GRHL3: variants seen among roughly 807,000 people sequenced by gnomAD.
The protein encoded by GRHL3 is grainyhead-like protein 3 homolog.
A neutral mutation model predicts 70.3 loss-of-function variants in GRHL3; 20 were observed. The ratio of observed to expected loss-of-function variants is 0.28; its 90% CI spans 0.20 to 0.41. GRHL3 has a LOEUF of 0.41. Among genes scored for constraint, GRHL3 ranks in the 10% least tolerant of loss-of-function variants. GRHL3 has a pLI of 1.00. For missense variants in GRHL3, 637 were observed against 762.3 expected, an observed-to-expected ratio of 0.84 and a Z score of 1.94; for synonymous variants, 299 against 299.9, an observed-to-expected ratio of 1.00 and a Z score of 0.03.
intron 12 of GRHL3, among the ~76,000 whole-genome samples, chr1:24,346,029 C>T (rs940065928): frequency 2.6e-5 from 4 of 152,262 alleles, no homozygotes; most frequent in African/African-American, 7.2e-5. Flanking sequence ...GAAACTGAGG[C>T]TCAGAGAAGT....
At chr1:24,331,754 C>A in intron 2 of GRHL3, 142 bp downstream of exon 2, 1 of 557,612 alleles carries the variant, frequency 1.8e-6, no homozygotes, top group Non-Finnish European at 3.0e-6. Flanking sequence ...CTGCCTGGCA[C>A]CCTCCCTTTC....
At chr1:24,358,429 C>T (rs973883324), downstream of GRHL3, 8 of 893,028 alleles carry the variant, frequency 9.0e-6, no homozygotes, top group African/African-American at 8.2e-5. Context: ...GTAGAGCCAC[C>T]CCCCAAGTTG....
At chr1:24,335,460 A>G (rs966992224) in intron 3 of GRHL3, among the ~76,000 whole-genome samples, 1 of 152,254 alleles carries the variant, frequency 6.6e-6, no homozygotes. Flanking sequence ...AGCCTTTTGA[A>G]AAATTCAAAC....
At chr1:24,328,560 A>G (rs1639479168) in intron 1 of GRHL3, among the ~76,000 whole-genome samples, 1 of 152,204 alleles carries the variant, frequency 6.6e-6, no homozygotes, top group Admixed American at 6.5e-5. Context: ...GTCTTCTAAA[A>G]TTTATCTTTT....
At chr1:24,328,375 C>G (rs1639471170) in intron 1 of GRHL3, among the ~76,000 whole-genome samples, 1 of 152,202 alleles carries the variant, frequency 6.6e-6, no homozygotes. Flanking sequence ...CACACAAAAA[C>G]AGATGGCACT....
rs949354206 is a variant in GRHL3 at position 24,319,751 on chromosome 1, A to C, written c.17+183A>C. ...AAGCCCCAGTCTCAAGCTAGAGGTGAGTGTTTCCCTGGGAAAATAGTTTTT... is the reference window on the plus strand; with the variant it reads ...AAGCCCCAGTCTCAAGCTAGAGGTGCGTGTTTCCCTGGGAAAATAGTTTTT... On this transcript the variant is annotated intron_variant, in intron 1 of 15. Coordinates refer to ENST00000361548, the MANE Select transcript of GRHL3 (RefSeq NM_198173.3). 6 of 1,500,772 alleles carry C rather than the reference A, an allele frequency of 4.0e-6. No individual in the cohort carries two copies. The African/African-American group carries it at 8.3e-5, about 21-fold the overall frequency. The allele number at this position is 1,500,772 out of a possible 1,614,324, so 93.0% of individuals were successfully genotyped here. A position where few individuals can be genotyped will look rare whatever the true frequency, so the allele number is the denominator to read the frequency against.
At chr1:24,364,438 T>G in exon 16 of GRHL3, 1 of 1,455,472 alleles carries the variant, frequency 6.9e-7, no homozygotes, top group Non-Finnish European at 9.1e-7. Flanking sequence ...CAGCTCAGAG[T>G]ATGTGGCCCC....
At position 24,322,321 on chromosome 1, in the gene GRHL3, C is replaced by G. The variant is rs1325118439; in HGVS notation, c.17+2753C>G. Reference sequence around the variant, plus strand: ...GGACTAGAACCGTCGCAGTCCTGACCGCGGCCGCCGCCGCCGTTCTATCTG... The same window carrying G: ...GGACTAGAACCGTCGCAGTCCTGACGGCGGCCGCCGCCGCCGTTCTATCTG... On this transcript the variant is annotated intron_variant, in intron 1 of 15. Coordinates refer to ENST00000361548, the MANE Select transcript of GRHL3 (RefSeq NM_198173.3). This position sits in a 1 kb window ranked among gnomAD's most constrained non-coding sequence, Gnocchi z 4.4. Among the ~76,000 whole-genome samples the G allele has an allele frequency of 6.6e-6, 1 of 152,068 alleles. No homozygotes were observed. The highest frequency in any genetic ancestry group is 2.4e-5 in the African/African-American group (1 of 41,398).
intron 2 of GRHL3, among the ~76,000 whole-genome samples, chr1:24,332,335 T>C (rs1179422314): frequency 6.6e-6 from 1 of 152,212 alleles, no homozygotes. Flanking sequence ...TAACTACTTC[T>C]AGGGTCTTGG....
At chr1:24,348,858 A>T (rs964858283) in intron 14 of GRHL3, among the ~76,000 whole-genome samples, 3 of 152,180 alleles carry the variant, frequency 2.0e-5, no homozygotes, top group Admixed American at 6.5e-5. Context: ...GCTGAACCTG[A>T]TCCTTTTTCT....
At chr1:24,354,219 G>A (rs546731829) in intron 15 of GRHL3, among the ~76,000 whole-genome samples, 155 bp from the exon 16 acceptor site, 20 of 152,152 alleles carry the variant, frequency 1.3e-4, no homozygotes, top group African/African-American at 4.8e-4. Context: ...CCCTCACCTC[G>A]TGGGGTTGTT....
In GRHL3 at chr1:24,342,402, C is replaced by T; in HGVS notation, c.1206+129C>T. On this transcript the variant is annotated intron_variant, in intron 9 of 15. Coordinates refer to ENST00000361548, the MANE Select transcript of GRHL3 (RefSeq NM_198173.3). This position sits in a 1 kb window ranked among gnomAD's most constrained non-coding sequence, Gnocchi z 4.8. ...GTTTTTCTATCCCTTCTCCTCCTTC[C>T]CCTCTCCTCCTCCACCCCCACTCCT... 2.7e-6 allele frequency: 2 copies of T among 748,166 alleles called. No individual in the cohort carries two copies. Among genetic ancestry groups the T allele is most frequent in the South Asian group, 1.9e-5 (1 of 53,684 alleles). The allele number at this position is 748,166 out of a possible 1,614,324, so 46.3% of individuals were successfully genotyped here.
At chr1:24,323,033 AAGAC>A (rs1350026677) in intron 1 of GRHL3, 30 of 1,537,224 alleles carry the variant, frequency 2.0e-5, no homozygotes, top group African/African-American at 1.4e-5. Context: ...CTCTGAAAAG[AAGAC>A]AGAGGAGATG....
rs775337579 is a variant in GRHL3 at position 24,337,658 on chromosome 1, TC to T, written c.714del (p.Ala240ProfsTer44). The T allele has an allele frequency of 6.2e-7, 1 of 1,613,962 alleles. No homozygotes were observed. The highest frequency in any genetic ancestry group is 1.7e-5 in the Admixed American group (1 of 60,020). ...LKSDFEYTLG[S>X]PKAIHIKSGE... ...CAGTGACTTTGAATACACCCTGGGC[TC>T]CCCCAAAGCCATCCACATCAAGTCA... On this transcript the variant is annotated frameshift_variant, in exon 6 of 16. Transcript: ENST00000361548. LOFTEE classifies it high-confidence loss of function.
chr1:24,343,649 G>A (rs775507709), intron 11 of GRHL3, among the ~76,000 whole-genome samples: 21 of 152,054 alleles, frequency 1.4e-4, no homozygotes, highest in Admixed American at 6.5e-5. Flanking sequence ...GCTGTCCTCC[G>A]AGAGACTGCA....
downstream of GRHL3, chr1:24,358,463 TCTC>T (rs1331685150): frequency 1.2e-5 from 14 of 1,211,176 alleles, no homozygotes; most frequent in Non-Finnish European, 1.6e-5. Flanking sequence ...TCATGATCGG[TCTC>T]CTCCTGAGGA....
In GRHL3 at chr1:24,342,391, TCTCCTCCTTCCCCTCTC is replaced by T; in HGVS notation, c.1206+126_1206+142del. 1.2e-6 allele frequency: 1 copy of T among 833,962 alleles called. No individual in the cohort carries two copies. The highest frequency in any genetic ancestry group is 1.9e-6 in the Non-Finnish European group (1 of 531,686). 51.7% of individuals were successfully genotyped at this position (833,962 alleles called of 1,614,324 possible). On this transcript the variant is annotated intron_variant, in intron 9 of 15. Transcript: ENST00000361548. The surrounding 1 kb of genome is among the most constrained non-coding windows in gnomAD (Gnocchi z 4.8). ...TGTCTCTCTCTGTTTTTCTATCCCT[TCTCCTCCTTCCCCTCTC>T]CTCCTCCACCCCCACTCCTCCATCT...
downstream of GRHL3, chr1:24,358,744 G>T (rs1640893393): frequency 1.5e-6 from 1 of 669,568 alleles, no homozygotes; most frequent in Admixed American, 2.8e-5. Flanking sequence ...TCTTACACGT[G>T]GGGAGACAGA....
chr1:24,360,769 A>G, intron 15 of GRHL3: 1 of 1,298,232 alleles, frequency 7.7e-7, no homozygotes, highest in Non-Finnish European at 1.1e-6. Flanking sequence ...CAACCTATAA[A>G]TCAATGGCAT....
Sources: gnomAD v4.1 joint callset for allele counts (sites outside exome capture counted in the v4.1 genomes callset) on GRCh38, gnomAD v4.1.1 for gene constraint, Gnocchi (gnomAD v3.1) non-coding constraint, MANE v1.5 for transcripts, NCBI Gene and HGNC (gene_info 2026-07-23, HGNC 2026-07-21) for gene names.